Variants in SYPL1 observed in about 807,000 individuals in gnomAD.
SYPL1 encodes synaptophysin-like protein 1.
In SYPL1, 6 loss-of-function variants were observed where a neutral mutation model predicts 23.7. The observed-to-expected ratio is 0.25, with a 90% CI of 0.14 to 0.50. SYPL1 has a LOEUF of 0.50. SYPL1 is among the 20% of genes least tolerant of loss of function. The probability of loss-of-function intolerance (pLI) is 0.98; values close to 1 mark genes in which losing one functional copy is unlikely to be tolerated. For synonymous variants in SYPL1, 102 were observed against 104.5 expected (o/e 0.98, Z 0.15); for missense variants, 253 against 288.9 (o/e 0.88, Z 0.90).
At chr7:106,103,072 T>A (rs557763169) in intron 1 of SYPL1, among the ~76,000 whole-genome samples, 1 of 152,282 alleles carries the variant, frequency 6.6e-6, no homozygotes, top group East Asian at 1.9e-4. Context: ...AAGGATTTAC[T>A]AGTATATAGA....
At chr7:106,106,899 C>T (rs1443184512) in intron 1 of SYPL1, among the ~76,000 whole-genome samples, 1 of 152,156 alleles carries the variant, frequency 6.6e-6, no homozygotes, top group Non-Finnish European at 1.5e-5. Context: ...ACTTCTATTG[C>T]TAGACCATGC....
chr7:106,100,949 C>G lies in SYPL1; in HGVS notation c.70-1667G>C, dbSNP rs548483263. On this transcript the variant is annotated intron_variant, in intron 1 of 4. Coordinates refer to ENST00000455385, the MANE Select transcript of SYPL1 (RefSeq NM_182715.4). This position sits in a 1 kb window ranked among gnomAD's most constrained non-coding sequence, Gnocchi z 5.1. Reference sequence around the variant, plus strand: ...TTTTCCTTTACCTAATCTGTATACACAAACTGCTTTCCATGCGATACCTTT... The same window carrying G: ...TTTTCCTTTACCTAATCTGTATACAGAAACTGCTTTCCATGCGATACCTTT... 2.0e-5 allele frequency among the ~76,000 whole-genome samples: 3 copies of G among 152,304 alleles called. No individual in the cohort carries two copies. Among genetic ancestry groups the G allele is most frequent in the African/African-American group, 7.2e-5 (3 of 41,566 alleles).
rs1840266976 is a variant in SYPL1 at position 106,100,726 on chromosome 7, C to T, written c.70-1444G>A. On this transcript the variant is annotated intron_variant, in intron 1 of 4. Transcript: ENST00000455385. This position sits in a 1 kb window ranked among gnomAD's most constrained non-coding sequence, Gnocchi z 5.1. ...AACAGCCTTCTAAATGATCTCTCTG[C>T]TTCTGCCCTTGCCCCAGCTTCAGTC... is the stretch of plus-strand genomic sequence containing the variant. 6.6e-6 allele frequency among the ~76,000 whole-genome samples: 1 copy of T among 152,200 alleles called. No individual in the cohort carries two copies. Among genetic ancestry groups the T allele is most frequent in the South Asian group, 2.1e-4 (1 of 4,834 alleles).
intron 3 of SYPL1, among the ~76,000 whole-genome samples, chr7:106,094,572 C>G (rs1300442364): frequency 6.6e-6 from 1 of 152,186 alleles, no homozygotes; most frequent in African/African-American, 2.4e-5. Context: ...AGTACTCCCC[C>G]CTTTTTACTG....
chr7:106,110,547 A>T (rs889951139), intron 1 of SYPL1, among the ~76,000 whole-genome samples: 7 of 152,244 alleles, frequency 4.6e-5, no homozygotes, highest in Admixed American at 3.3e-4. Flanking sequence ...TTTAGTACAG[A>T]TCTGGTATAA....
chr7:106,105,510 C>A (rs1286536416), intron 1 of SYPL1, among the ~76,000 whole-genome samples: 1 of 147,606 alleles, frequency 6.8e-6, no homozygotes, highest in African/African-American at 2.5e-5. Flanking sequence ...GCCCACCAGA[C>A]CCATACTAGA....
At chr7:106,112,494 G>A (rs765816089), upstream of SYPL1, 1 of 1,524,470 alleles carries the variant, frequency 6.6e-7, no homozygotes. Context: ...CGAGTCGACT[G>A]ATCCGCTGGC....
chr7:106,106,208 A>C (rs899902285), intron 1 of SYPL1, among the ~76,000 whole-genome samples: 1 of 152,196 alleles, frequency 6.6e-6, no homozygotes, highest in African/African-American at 2.4e-5. Flanking sequence ...TTGTAGATGC[A>C]TATTGTGGCT....
At chr7:106,092,840 GT>G (rs1327787753) in intron 4 of SYPL1, 108 bp downstream of exon 4, 12 of 984,184 alleles carry the variant, frequency 1.2e-5, no homozygotes, top group Non-Finnish European at 1.1e-5. Context: ...AGGTAGCTGA[GT>G]AAAAATAAAA....
intron 1 of SYPL1, among the ~76,000 whole-genome samples, chr7:106,103,826 A>G (rs1840448548): frequency 6.6e-6 from 1 of 152,248 alleles, no homozygotes; most frequent in Admixed American, 6.5e-5. Flanking sequence ...GAATGATGCC[A>G]AACTGATCTG....
At chr7:106,094,927 T>C (rs1038630053) in intron 3 of SYPL1, among the ~76,000 whole-genome samples, 8 of 152,182 alleles carry the variant, frequency 5.3e-5, no homozygotes, top group African/African-American at 1.7e-4. Context: ...CTTCAGATAG[T>C]ATTTGCTCTA....
At chr7:106,112,416 G>T (rs2116237902), upstream of SYPL1, 7 of 1,408,324 alleles carry the variant, frequency 5.0e-6, no homozygotes, top group South Asian at 1.1e-4. Flanking sequence ...AACGGAGTGG[G>T]GCGGCTGGGG....
upstream of SYPL1, chr7:106,112,469 C>G: frequency 4.0e-6 from 6 of 1,504,182 alleles, no homozygotes; most frequent in Non-Finnish European, 4.4e-6. Context: ...GGCTTCTCCT[C>G]AGGCCGCACC....
chr7:106,091,638 C>A lies in SYPL1; in HGVS notation c.*167G>T, dbSNP rs568989108. On this transcript the variant is annotated 3_prime_UTR_variant, in exon 5 of 5. Transcript: ENST00000455385. The surrounding 1 kb of genome is among the most constrained non-coding windows in gnomAD (Gnocchi z 5.0). ...ATGTGAGAATACATTTACATCTTAA[C>A]TTTCTAGGAAAGGCACAGGCTTTAT... 6 of 637,950 alleles carry A rather than the reference C, an allele frequency of 9.4e-6. No individual in the cohort carries two copies. In the African/African-American group the frequency reaches 1.1e-4, roughly 12 times the overall value. The allele number at this position is 637,950 out of a possible 1,614,324, so 39.5% of individuals were successfully genotyped here. A position where few individuals can be genotyped will look rare whatever the true frequency, so the allele number is the denominator to read the frequency against.
intron 3 of SYPL1, among the ~76,000 whole-genome samples, chr7:106,094,490 A>G (rs2116078574): frequency 6.6e-6 from 1 of 152,344 alleles, no homozygotes; most frequent in East Asian, 1.9e-4. Flanking sequence ...CTCTGCTGCT[A>G]CTTGTCCTTT....
intron 1 of SYPL1, among the ~76,000 whole-genome samples, chr7:106,111,128 A>G (rs1042138996): frequency 6.6e-6 from 1 of 152,268 alleles, no homozygotes; most frequent in African/African-American, 2.4e-5. Context: ...ACAATGGTCC[A>G]AGTAGGAAAT....
At chr7:106,094,113 C>T (rs905227527) in intron 3 of SYPL1, among the ~76,000 whole-genome samples, 2 of 152,144 alleles carry the variant, frequency 1.3e-5, no homozygotes, top group African/African-American at 2.4e-5. Flanking sequence ...GGAGCTCTTA[C>T]ATATCTGCAG....
chr7:106,092,944 C>T lies in SYPL1; in HGVS notation c.591+5G>A. On this transcript the variant is annotated splice_donor_5th_base_variant and intron_variant, in intron 4 of 4. Transcript: ENST00000455385. ...AGAAAAAAATTATAAATAATGCATA[C>T]ATACCACAGATACATTTAGGGATCC... The T allele has an allele frequency of 6.4e-7, 1 of 1,559,972 alleles. No individual in the cohort carries two copies. Among genetic ancestry groups the T allele is most frequent in the Non-Finnish European group, 8.6e-7 (1 of 1,157,246 alleles).
Position 106,091,994 on chromosome 7 carries a change from G to T in SYPL1, c.592-55C>A. The T allele has an allele frequency of 6.6e-7, 1 of 1,517,840 alleles. No homozygotes were observed. Among genetic ancestry groups the T allele is most frequent in the Non-Finnish European group, 8.9e-7 (1 of 1,127,920 alleles). 94.0% of individuals were successfully genotyped at this position (1,517,840 alleles called of 1,614,324 possible). ...CAAATACCTACTTATAAAAATTCATGCCCTACTTAAAAATCTCACTTTTTC... is the reference window on the plus strand; with the variant it reads ...CAAATACCTACTTATAAAAATTCATTCCCTACTTAAAAATCTCACTTTTTC... On this transcript the variant is annotated intron_variant, in intron 4 of 4. Transcript: ENST00000455385. The surrounding 1 kb of genome is among the most constrained non-coding windows in gnomAD (Gnocchi z 5.0).
Sources: allele counts gnomAD v4.1 joint callset (sites outside exome capture counted in the v4.1 genomes callset), GRCh38; gene constraint gnomAD v4.1.1; non-coding constraint Gnocchi (gnomAD v3.1); transcripts MANE v1.5; gene names NCBI Gene and HGNC (gene_info 2026-07-23, HGNC 2026-07-21).